BMAL1: variants seen among roughly 807,000 people sequenced by gnomAD.
BMAL1 encodes basic helix-loop-helix ARNT like 1.
At chr11:13,326,347 A>G in the BMAL1 span, 1 of 152,132 alleles carries the variant, frequency 6.6e-6, no homozygotes, top group African/African-American at 2.4e-5. Context: ...AGGCCCTTCA[A>G]AGTGAAATGC....
At chr11:13,376,022 A>G in the BMAL1 span, among the ~76,000 whole-genome samples, 16 of 152,332 alleles carry the variant, frequency 1.1e-4, no homozygotes, top group East Asian at 2.7e-3. Context: ...TAAAGCAGCT[A>G]ACCTTTGAAT....
At chr11:13,291,274 A>G in the BMAL1 span, among the ~76,000 whole-genome samples, 1 of 152,240 alleles carries the variant, frequency 6.6e-6, no homozygotes, top group Non-Finnish European at 1.5e-5. Flanking sequence ...TTTAGTCATC[A>G]TCACAACCCT....
chr11:13,353,344 CAG>C, the BMAL1 span: 161 of 155,046 alleles, frequency 1.0e-3, no homozygotes, highest in African/African-American at 3.8e-3. Flanking sequence ...GCTGTATGCT[CAG>C]AAAGGATGAC....
the BMAL1 span, among the ~76,000 whole-genome samples, chr11:13,282,435 C>T: frequency 5.9e-3 from 891 of 152,278 alleles, 8 homozygotes; most frequent in African/African-American, 0.019. Flanking sequence ...GTTGCCTTGC[C>T]GGGGTGCCTT....
the BMAL1 span, among the ~76,000 whole-genome samples, chr11:13,281,536 T>A: frequency 5.3e-5 from 8 of 152,182 alleles, no homozygotes; most frequent in African/African-American, 1.4e-4. Context: ...TTTATTTTTT[T>A]AAACATGGTC....
At chr11:13,343,879 C>T in the BMAL1 span, among the ~76,000 whole-genome samples, 2 of 152,148 alleles carry the variant, frequency 1.3e-5, no homozygotes, top group Admixed American at 1.3e-4. Context: ...CTCAGATTTA[C>T]AAATCTTACC....
the BMAL1 span, among the ~76,000 whole-genome samples, chr11:13,366,329 C>T: frequency 6.6e-6 from 1 of 152,326 alleles, no homozygotes; most frequent in African/African-American, 2.4e-5. Context: ...TGCTTGAGAA[C>T]AGAGAGGCTG....
chr11:13,288,487 G>A, the BMAL1 span, among the ~76,000 whole-genome samples: 2 of 146,178 alleles, frequency 1.4e-5, no homozygotes, highest in African/African-American at 5.1e-5. Flanking sequence ...CTGGAAATAG[G>A]CAAGGCTCTA....
chr11:13,358,693 A>G, the BMAL1 span: 3 of 1,246,538 alleles, frequency 2.4e-6, no homozygotes, highest in Non-Finnish European at 3.2e-6. Flanking sequence ...ATTACTTGCA[A>G]TTATGTAGCC....
the BMAL1 span, among the ~76,000 whole-genome samples, chr11:13,322,718 A>G: frequency 6.9e-6 from 1 of 145,688 alleles, no homozygotes; most frequent in African/African-American, 2.5e-5. Context: ...GGGAGAAGAG[A>G]GGATGACACA....
chr11:13,310,184 C>G, the BMAL1 span: 1 of 152,790 alleles, frequency 6.5e-6, no homozygotes, highest in African/African-American at 2.4e-5. Context: ...CTGGAGAAGC[C>G]TGTAGCACAG....
chr11:13,312,980 G>T, the BMAL1 span, among the ~76,000 whole-genome samples: 1 of 152,226 alleles, frequency 6.6e-6, no homozygotes, highest in Non-Finnish European at 1.5e-5. Context: ...AGACCGGGGT[G>T]GAGAGGGAAG....
At chr11:13,313,612 C>G in the BMAL1 span, among the ~76,000 whole-genome samples, 2 of 152,172 alleles carry the variant, frequency 1.3e-5, no homozygotes, top group African/African-American at 4.8e-5. Context: ...TTTGTCAACT[C>G]AGTTCTTCTC....
At chr11:13,362,399 G>A in the BMAL1 span, among the ~76,000 whole-genome samples, 1 of 152,132 alleles carries the variant, frequency 6.6e-6, no homozygotes, top group Non-Finnish European at 1.5e-5. Flanking sequence ...AAACCTGTTT[G>A]TTGAATGGCC....
At chr11:13,369,472 A>G in the BMAL1 span, 3 of 910,090 alleles carry the variant, frequency 3.3e-6, no homozygotes, top group South Asian at 4.7e-5. Flanking sequence ...TGCATCTGTT[A>G]AAGCCTAAAC....
the BMAL1 span, among the ~76,000 whole-genome samples, chr11:13,350,827 C>G: frequency 6.6e-6 from 1 of 151,896 alleles, no homozygotes; most frequent in Admixed American, 6.6e-5. Flanking sequence ...ACTTTTGGTC[C>G]CACATACAAA....
At chr11:13,295,896 C>G in the BMAL1 span, among the ~76,000 whole-genome samples, 1 of 152,224 alleles carries the variant, frequency 6.6e-6, no homozygotes, top group East Asian at 1.9e-4. Context: ...TTGCCTCCCT[C>G]TCACCCAGCC....
chr11:13,295,972 TGGTGTTA>T, the BMAL1 span, among the ~76,000 whole-genome samples: 1 of 152,136 alleles, frequency 6.6e-6, no homozygotes, highest in Non-Finnish European at 1.5e-5. Context: ...ATTTTTGCCT[TGGTGTTA>T]GCCTTTCTGA....
chr11:13,278,440 C>A, the BMAL1 span, among the ~76,000 whole-genome samples: 10 of 152,342 alleles, frequency 6.6e-5, no homozygotes, highest in African/African-American at 2.4e-4. Context: ...GCGAACGGTG[C>A]CGCGTCTGCC....
Sources: allele counts gnomAD v4.1 joint callset (sites outside exome capture counted in the v4.1 genomes callset), GRCh38; gene constraint gnomAD v4.1.1; transcripts MANE v1.5; gene names NCBI Gene and HGNC (gene_info 2026-07-23, HGNC 2026-07-21).